Variants in EPB41L2 observed in about 807,000 individuals in gnomAD.
EPB41L2 encodes the protein erythrocyte membrane protein band 4.1 like 2.
EPB41L2 carries 43 observed loss-of-function variants against 113.0 expected under a neutral mutation model. That is an observed-to-expected ratio of 0.38 (90% confidence interval 0.30 to 0.49). EPB41L2 has a LOEUF of 0.49. EPB41L2 is among the 20% of genes least tolerant of loss of function. The pLI is 0.95. For missense variants in EPB41L2, 1,147 were observed against 1,223.4 expected (o/e 0.94, Z 0.93); for synonymous variants, 442 against 436.7 (o/e 1.01, Z -0.15).
intron 1 of EPB41L2, among the ~76,000 whole-genome samples, chr6:130,973,480 T>C (rs1273045101): frequency 6.6e-6 from 1 of 152,226 alleles, no homozygotes; most frequent in Non-Finnish European, 1.5e-5. Context: ...AGTGTAACTG[T>C]AAATTTGTTA....
In EPB41L2 at chr6:130,956,225, T is replaced by C. The variant is rs1416660937; in HGVS notation, c.261A>G (p.Ser87=). 2.5e-6 allele frequency: 4 copies of C among 1,614,090 alleles called. No individual in the cohort carries two copies. The highest frequency in any genetic ancestry group is 2.5e-6 in the Non-Finnish European group (3 of 1,180,052). The change falls in exon 2 of 20, where the codon TCA becomes TCG. Residue 87 remains serine (S), a synonymous_variant. Transcript: ENST00000337057. ...FIPPWLKKQK[S]YTLVVAKDGG... ...CATCTTTGGCCACTACTAAGGTATA[T>C]GACTTTTGCTTCTTAAGCCATGGCG... is the stretch of plus-strand genomic sequence containing the variant.
At chr6:130,881,717 C>T (rs1789365072) in intron 12 of EPB41L2, 1 of 151,878 alleles carries the variant, frequency 6.6e-6, no homozygotes, top group Admixed American at 6.6e-5. Context: ...AACCAAACAC[C>T]TAATTTTAAA....
intron 19 of EPB41L2, among the ~76,000 whole-genome samples, chr6:130,845,837 G>T (rs1776886383): frequency 6.6e-6 from 1 of 152,194 alleles, no homozygotes; most frequent in Non-Finnish European, 1.5e-5. Flanking sequence ...TGGGAAGTAT[G>T]CACACGCCAT....
intron 12 of EPB41L2, 85 bp downstream of exon 12, chr6:130,885,011 C>T: frequency 2.7e-6 from 4 of 1,478,916 alleles, no homozygotes; most frequent in Non-Finnish European, 2.8e-6. Context: ...ATTTTAAATA[C>T]TTGATTTCTG....
intron 1 of EPB41L2, among the ~76,000 whole-genome samples, chr6:130,993,908 C>T (rs533067817): frequency 6.6e-6 from 1 of 152,192 alleles, no homozygotes; most frequent in Admixed American, 6.5e-5. Context: ...TAAAAACCAA[C>T]CCAAGCTTCC....
chr6:130,892,291 T>C (rs1793140643), intron 10 of EPB41L2, among the ~76,000 whole-genome samples: 1 of 144,500 alleles, frequency 6.9e-6, no homozygotes, highest in Non-Finnish European at 1.5e-5. Context: ...TAAGCATCAG[T>C]TGTCTTGCCT....
chr6:131,029,527 AT>A (rs1195142557), intron 1 of EPB41L2, among the ~76,000 whole-genome samples: 3 of 152,124 alleles, frequency 2.0e-5, no homozygotes, highest in Non-Finnish European at 2.9e-5. Context: ...TATAGAAATA[AT>A]TTTTTAAACA....
intron 9 of EPB41L2, among the ~76,000 whole-genome samples, chr6:130,894,762 T>C (rs971576717): frequency 4.6e-5 from 7 of 152,222 alleles, no homozygotes; most frequent in African/African-American, 1.7e-4. Flanking sequence ...TTTTCTTTTT[T>C]GTAAAAAGCG....
chr6:130,871,628 C>T (rs1379585056), intron 14 of EPB41L2, among the ~76,000 whole-genome samples: 1 of 152,180 alleles, frequency 6.6e-6, no homozygotes, highest in Non-Finnish European at 1.5e-5. Context: ...TTCTTAAACA[C>T]ATGGTAAGGG....
chr6:130,840,468 C>A lies in EPB41L2; in HGVS notation c.*136G>T, dbSNP rs1344407164. On this transcript the variant is annotated 3_prime_UTR_variant, in exon 20 of 20. Coordinates refer to ENST00000337057, the MANE Select transcript of EPB41L2 (RefSeq NM_001431.4). The stretch of plus-strand genomic sequence containing the variant: ...AAGGTTTGGTGTTGGCATTTTAATT[C>A]TTCAGGCTTCTGGTCATTGTTACCA... The A allele has an allele frequency of 6.6e-6, 1 of 152,082 alleles. No individual in the cohort carries two copies. The highest frequency in any genetic ancestry group is 2.4e-5 in the African/African-American group (1 of 41,390). The allele number at this position is 152,082 out of a possible 1,614,324, so 9.4% of individuals were successfully genotyped here.
At chr6:131,009,607 C>T (rs1303591776) in intron 1 of EPB41L2, among the ~76,000 whole-genome samples, 2 of 151,010 alleles carry the variant, frequency 1.3e-5, no homozygotes, top group Non-Finnish European at 1.5e-5. Flanking sequence ...AGCCATAATC[C>T]AACCACAGCT....
chr6:131,015,676 C>G (rs909487003), intron 1 of EPB41L2: 1 of 152,154 alleles, frequency 6.6e-6, no homozygotes, highest in African/African-American at 2.4e-5. Flanking sequence ...ATGAAAAATA[C>G]AGAATTGGTC....
intron 1 of EPB41L2, among the ~76,000 whole-genome samples, chr6:131,061,604 T>C (rs1049427311): frequency 2.0e-5 from 3 of 152,180 alleles, no homozygotes; most frequent in Non-Finnish European, 4.4e-5. Context: ...AAAGGGAAAC[T>C]GAATAGGATT....
At chr6:130,873,181 CT>C (rs962787963) in intron 14 of EPB41L2, among the ~76,000 whole-genome samples, 2 of 152,114 alleles carry the variant, frequency 1.3e-5, no homozygotes, top group East Asian at 1.9e-4. Flanking sequence ...ACCCTGTCCC[CT>C]TTTTTTGCAA....
intron 3 of EPB41L2, among the ~76,000 whole-genome samples, chr6:130,938,817 C>G (rs1170935371): frequency 5.3e-5 from 8 of 152,166 alleles, no homozygotes; most frequent in Non-Finnish European, 1.5e-5. Flanking sequence ...GTAATTCACA[C>G]ACTAAAGTCA....
intron 1 of EPB41L2, among the ~76,000 whole-genome samples, chr6:130,996,708 A>C (rs1299535906): frequency 1.3e-5 from 2 of 152,224 alleles, no homozygotes; most frequent in African/African-American, 4.8e-5. Flanking sequence ...AAGTGAATTT[A>C]AAAGGATAAT....
chr6:130,911,085 T>C (rs1464237594), intron 4 of EPB41L2, among the ~76,000 whole-genome samples: 1 of 152,224 alleles, frequency 6.6e-6, no homozygotes, highest in African/African-American at 2.4e-5. Flanking sequence ...CGTATGTTTA[T>C]TGCAGCACTA....
chr6:130,971,676 A>T (rs991093594), intron 1 of EPB41L2, among the ~76,000 whole-genome samples: 4 of 152,236 alleles, frequency 2.6e-5, no homozygotes, highest in Admixed American at 2.6e-4. Context: ...AAAACTTATG[A>T]ATCGCTTGTT....
chr6:131,055,800 C>G (rs1797468732), intron 1 of EPB41L2, among the ~76,000 whole-genome samples: 1 of 152,036 alleles, frequency 6.6e-6, no homozygotes, highest in Non-Finnish European at 1.5e-5. Context: ...ATGTAAAGTA[C>G]CAATTATAGC....
Sources: gnomAD v4.1 joint callset for allele counts (sites outside exome capture counted in the v4.1 genomes callset) on GRCh38, gnomAD v4.1.1 for gene constraint, MANE v1.5 for transcripts, NCBI Gene and HGNC (gene_info 2026-07-23, HGNC 2026-07-21) for gene names.